Variants in ARHGAP10 observed in about 807,000 individuals in gnomAD.
ARHGAP10 encodes rho GTPase-activating protein 10.
ARHGAP10 carries 87 observed loss-of-function variants against 108.6 expected under a neutral mutation model. The observed-to-expected ratio is 0.80, with a 90% CI of 0.67 to 0.96. The LOEUF (loss-of-function observed/expected upper bound fraction) is 0.96. ARHGAP10 is among the 40% of genes least tolerant of loss of function. The pLI is 0.00. For synonymous variants in ARHGAP10, 347 were observed against 341.1 expected (o/e 1.02, Z -0.19); for missense variants, 939 against 954.5 (o/e 0.98, Z 0.21).
rs1729704457 is a variant in ARHGAP10, at chr4:148,063,267, C to T, written c.2147C>T (p.Pro716Leu). The T allele has an allele frequency of 6.2e-7, 1 of 1,614,050 alleles. No homozygotes were observed. The highest frequency in any genetic ancestry group is 8.5e-7 in the Non-Finnish European group (1 of 1,180,048). The change falls in exon 21 of 23, where the codon CCT becomes CTT. Residue 716 changes from proline (P) to leucine (L), a missense_variant. By Grantham distance (98) the Pro-to-Leu change is moderately conservative (BLOSUM62 -3). Transcript: ENST00000336498. ...GGGTCGTCCCCTTTCCCCTTTTCTC[C>T]TCCTGCTACTGTAGCGGACAAGCCA... ...SPGSSPFPFS[P>L]PATVADKPPE...
At chr4:147,888,488 A>G (rs1367136118) in intron 10 of ARHGAP10, among the ~76,000 whole-genome samples, 1 of 152,210 alleles carries the variant, frequency 6.6e-6, no homozygotes, top group Non-Finnish European at 1.5e-5. Context: ...CATTCCTACC[A>G]TATAAATACT....
intron 1 of ARHGAP10, among the ~76,000 whole-genome samples, chr4:147,796,302 G>A (rs1394692069): frequency 6.6e-6 from 1 of 152,066 alleles, no homozygotes; most frequent in Non-Finnish European, 1.5e-5. Flanking sequence ...TAATCTAGTG[G>A]GAGAGACAAA....
intron 18 of ARHGAP10, among the ~76,000 whole-genome samples, chr4:147,997,060 A>G (rs1231637718): frequency 1.3e-5 from 2 of 152,240 alleles, no homozygotes; most frequent in Non-Finnish European, 2.9e-5. Flanking sequence ...AACACTGAGC[A>G]GGCAAAACTG....
Position 147,866,605 on chromosome 4 carries a change from C to T in ARHGAP10, c.598-107C>T, listed in dbSNP as rs950681656. Reference sequence around the variant, plus strand: ...TGACTTCCCTTTAATCAGTTTATTTCAGTGGAATAACAGTGAGATGGCGGG... The same window carrying T: ...TGACTTCCCTTTAATCAGTTTATTTTAGTGGAATAACAGTGAGATGGCGGG... On this transcript the variant is annotated intron_variant, in intron 6 of 22. Transcript: ENST00000336498. 3 of 729,902 alleles carry T rather than the reference C, an allele frequency of 4.1e-6. No individual in the cohort carries two copies. In the African/African-American group the frequency reaches 5.4e-5, roughly 13 times the overall value. The allele number at this position is 729,902 out of a possible 1,614,324, so 45.2% of individuals were successfully genotyped here. A position where few individuals can be genotyped will look rare whatever the true frequency, so the allele number is the denominator to read the frequency against.
At chr4:147,877,799 T>C (rs1472578147) in intron 8 of ARHGAP10, among the ~76,000 whole-genome samples, 1 of 151,244 alleles carries the variant, frequency 6.6e-6, no homozygotes, top group African/African-American at 2.4e-5. Flanking sequence ...TATTGAGTCT[T>C]AGATTTCTTA....
At chr4:147,928,217 C>T (rs1163630884) in intron 13 of ARHGAP10, among the ~76,000 whole-genome samples, 1 of 152,216 alleles carries the variant, frequency 6.6e-6, no homozygotes, top group Non-Finnish European at 1.5e-5. Flanking sequence ...CTAAAATTGT[C>T]AGTACTTCCA....
Position 147,732,289 on chromosome 4 carries a change from G to C in ARHGAP10, c.-13G>C. On this transcript the variant is annotated 5_prime_UTR_variant, in exon 1 of 23. Coordinates refer to ENST00000336498, the MANE Select transcript of ARHGAP10 (RefSeq NM_024605.4). Reference sequence around the variant, plus strand: ...CGCGCGGCCGTGCGCACCGCGCAGCGACCGCTGCCGTCATGGGGCTGCAGC... The same window carrying C: ...CGCGCGGCCGTGCGCACCGCGCAGCCACCGCTGCCGTCATGGGGCTGCAGC... 1 of 1,597,804 alleles carries C rather than the reference G, an allele frequency of 6.3e-7. No homozygotes were observed.
chr4:147,781,570 C>T (rs1379164876), intron 1 of ARHGAP10, among the ~76,000 whole-genome samples: 2 of 151,986 alleles, frequency 1.3e-5, no homozygotes, highest in Non-Finnish European at 2.9e-5. Context: ...GTATAGTAGT[C>T]CTTATTATGA....
In ARHGAP10 at chr4:147,939,859, G is replaced by C; in HGVS notation, c.1263G>C (p.Gly421=). Residue 421 remains glycine, a synonymous_variant, in exon 14 of 23, where the codon GGG becomes GGC. Transcript: ENST00000336498. ...INDQGLYRVV[G]VSSKVQRLLS... is the part of the protein sequence containing the mutation. The stretch of plus-strand genomic sequence containing the variant: ...ACCAAGGATTGTACAGAGTTGTGGG[G>C]GTGAGTTCAAAGGTCCAGAGACTTC... 1 of 1,613,974 alleles carries C rather than the reference G, an allele frequency of 6.2e-7. No individual in the cohort carries two copies. Among genetic ancestry groups the C allele is most frequent in the Non-Finnish European group, 8.5e-7 (1 of 1,179,930 alleles).
chr4:147,854,721 G>A, intron 4 of ARHGAP10: 3 of 984,254 alleles, frequency 3.0e-6, no homozygotes, highest in Non-Finnish European at 3.6e-6. Context: ...ACTCTATAAT[G>A]ACATTAAGAA....
chr4:148,017,680 A>ATATGAG (rs1553971550), intron 18 of ARHGAP10, among the ~76,000 whole-genome samples: 2,127 of 141,436 alleles, frequency 0.015, 109 homozygotes, highest in African/African-American at 0.054. Context: ...ATATATATAT[A>ATATGAG]TATGTGTGTG....
intron 1 of ARHGAP10, among the ~76,000 whole-genome samples, chr4:147,810,352 A>G (rs896020001): frequency 1.3e-5 from 2 of 152,210 alleles, no homozygotes; most frequent in African/African-American, 4.8e-5. Context: ...TTCATTGTTC[A>G]CAGTTAACAT....
intron 20 of ARHGAP10, among the ~76,000 whole-genome samples, chr4:148,047,253 A>AG (rs1728930256): frequency 6.6e-6 from 1 of 152,148 alleles, no homozygotes. Context: ...CTAGTATGGA[A>AG]GGGGTAGCTG....
intron 1 of ARHGAP10, among the ~76,000 whole-genome samples, chr4:147,818,454 C>T (rs4419463): frequency 0.86 from 130,755 of 151,788 alleles, 56,790 homozygotes; most frequent in Non-Finnish European, 0.92. Flanking sequence ...TAATTCCAGC[C>T]ACTTGGGAGG....
In ARHGAP10 at chr4:147,898,122, C is replaced by A. The variant is rs187663149; in HGVS notation, c.1035-8516C>A. ...TTTGTCCTTTATGGTTTTCTTTATT[C>A]TTTTCTGCAAAACTGGGTTTTTATC... On this transcript the variant is annotated intron_variant, in intron 10 of 22. Coordinates refer to ENST00000336498, the MANE Select transcript of ARHGAP10 (RefSeq NM_024605.4). Among the ~76,000 whole-genome samples, 3 of 152,106 alleles carry A rather than the reference C, an allele frequency of 2.0e-5. No homozygotes were observed. The East Asian group carries it at 5.8e-4, about 29-fold the overall frequency.
chr4:147,909,295 C>T (rs1423547912), intron 11 of ARHGAP10, among the ~76,000 whole-genome samples: 1 of 152,192 alleles, frequency 6.6e-6, no homozygotes, highest in Non-Finnish European at 1.5e-5. Flanking sequence ...CACCAGCCTC[C>T]CAGCACTTCC....
At chr4:147,856,024 G>C (rs1734070717) in intron 4 of ARHGAP10, among the ~76,000 whole-genome samples, 1 of 152,186 alleles carries the variant, frequency 6.6e-6, no homozygotes, top group Admixed American at 6.5e-5. Flanking sequence ...GGAAGAGAAT[G>C]TTCCTTTTTT....
chr4:147,785,788 C>T (rs1730867682), intron 1 of ARHGAP10, among the ~76,000 whole-genome samples: 1 of 152,076 alleles, frequency 6.6e-6, no homozygotes, highest in Non-Finnish European at 1.5e-5. Flanking sequence ...GAAGATTGTA[C>T]TCTGAGATTT....
intron 5 of ARHGAP10, among the ~76,000 whole-genome samples, chr4:147,858,846 T>C (rs982745258): frequency 2.6e-5 from 4 of 152,226 alleles, no homozygotes; most frequent in Non-Finnish European, 5.9e-5. Flanking sequence ...CACTTCACTT[T>C]CTCATTAGGT....
Sources: gnomAD v4.1 joint callset for allele counts (sites outside exome capture counted in the v4.1 genomes callset) on GRCh38, gnomAD v4.1.1 for gene constraint, MANE v1.5 for transcripts, NCBI Gene and HGNC (gene_info 2026-07-23, HGNC 2026-07-21) for gene names.